FOXP2: variants seen among roughly 807,000 people sequenced by gnomAD.
The protein encoded by FOXP2 is forkhead box P2, also known as forkhead box protein P2.
In FOXP2, 12 loss-of-function variants were observed where a neutral mutation model predicts 115.8. The ratio of observed to expected loss-of-function variants is 0.10; its 90% CI spans 0.07 to 0.17. The LOEUF (loss-of-function observed/expected upper bound fraction) is 0.17. Among genes scored for constraint, FOXP2 ranks in the 10% least tolerant of loss-of-function variants. The pLI is 1.00. For missense variants in FOXP2, 629 were observed against 843.5 expected (o/e 0.75, Z 3.15); for synonymous variants, 328 against 297.7 (o/e 1.10, Z -1.05).
rs117929617 is a variant in FOXP2, at chr7:114,444,353, C to T, written c.168+17674C>T. Among the ~76,000 whole-genome samples, 80 of 152,230 alleles carry T rather than the reference C, an allele frequency of 5.3e-4. 1 individual carries two copies. The highest frequency in any genetic ancestry group is 5.9e-4 in the Non-Finnish European group (40 of 68,004). ...TAAGGGCTGGCTGAACATGGAATGA[C>T]ATTCAGAAGTACTGTGTCAAGTTGA... On this transcript the variant is annotated intron_variant, in intron 2 of 16. Transcript: ENST00000350908.
At chr7:114,102,696 CCACACACACACACA>C (rs10624558) in intron 1 of FOXP2, among the ~76,000 whole-genome samples, 3 of 136,468 alleles carry the variant, frequency 2.2e-5, no homozygotes, top group African/African-American at 5.4e-5. Context: ...ACACCACACA[CCACACACACACACA>C]CACACACACA....
chr7:114,500,020 C>T (rs2129251364), intron 2 of FOXP2, among the ~76,000 whole-genome samples: 1 of 152,094 alleles, frequency 6.6e-6, no homozygotes, highest in East Asian at 1.9e-4. Flanking sequence ...TCGAGACCAT[C>T]CTGGCTAACA....
chr7:114,473,801 G>A (rs918520902), intron 2 of FOXP2, among the ~76,000 whole-genome samples: 1 of 151,942 alleles, frequency 6.6e-6, no homozygotes, highest in Non-Finnish European at 1.5e-5. Context: ...GTCCCACAGA[G>A]CCTACTAATT....
At chr7:114,442,815 TAA>T (rs1189637958) in intron 2 of FOXP2, among the ~76,000 whole-genome samples, 7 of 152,136 alleles carry the variant, frequency 4.6e-5, no homozygotes, top group Admixed American at 4.6e-4. Context: ...GCTGTTTATA[TAA>T]AGAGAGAGAG....
At chr7:114,285,242 G>A (rs1217412092) in intron 1 of FOXP2, among the ~76,000 whole-genome samples, 2 of 152,062 alleles carry the variant, frequency 1.3e-5, no homozygotes, top group African/African-American at 4.8e-5. Flanking sequence ...CAGGCACAGA[G>A]TTAAAAAATC....
intron 1 of FOXP2, among the ~76,000 whole-genome samples, chr7:114,220,668 C>T (rs772149026): frequency 6.6e-6 from 1 of 152,152 alleles, no homozygotes; most frequent in Admixed American, 6.5e-5. Flanking sequence ...GAAAAAACGG[C>T]ATGTCAGACT....
chr7:114,668,266 G>C (rs1195900211), intron 16 of FOXP2: 1 of 152,052 alleles, frequency 6.6e-6, no homozygotes, highest in Non-Finnish European at 1.5e-5. Flanking sequence ...TGAAGCATTA[G>C]AAGAGTGAAA....
intron 2 of FOXP2, among the ~76,000 whole-genome samples, chr7:114,407,807 G>C (rs987694718): frequency 1.3e-5 from 2 of 151,984 alleles, no homozygotes; most frequent in East Asian, 3.9e-4. Context: ...ATAACTTCAG[G>C]ACATGATTGT....
At chr7:114,533,377 T>A (rs1485157671) in intron 2 of FOXP2, among the ~76,000 whole-genome samples, 1 of 151,916 alleles carries the variant, frequency 6.6e-6, no homozygotes, top group African/African-American at 2.4e-5. Flanking sequence ...GTGGCAACTT[T>A]TTCTGTTTGC....
chr7:114,526,484 A>C (rs1398623560), intron 2 of FOXP2, among the ~76,000 whole-genome samples: 2 of 149,114 alleles, frequency 1.3e-5, no homozygotes, highest in Non-Finnish European at 2.9e-5. Context: ...TCAAAAAAAA[A>C]AAACAAAAAA....
intron 1 of FOXP2, among the ~76,000 whole-genome samples, chr7:114,146,190 G>C (rs1792363708): frequency 6.6e-6 from 1 of 152,118 alleles, no homozygotes; most frequent in Non-Finnish European, 1.5e-5. Flanking sequence ...AATTTCAGAG[G>C]TTGCAATTTT....
intron 3 of FOXP2, among the ~76,000 whole-genome samples, chr7:114,538,945 C>T (rs1472933883): frequency 6.6e-6 from 1 of 151,656 alleles, no homozygotes; most frequent in East Asian, 1.9e-4. Flanking sequence ...TTGTTTCATG[C>T]CTTGAAATAT....
In FOXP2 at chr7:114,426,650, G is replaced by A. The variant is rs1447075960; in HGVS notation, c.139G>A (p.Val47Ile). Residue 47 changes from valine (V) to isoleucine (I), a missense_variant, in exon 2 of 17, where the codon GTA (valine) becomes ATA (isoleucine). Val to Ile is a conservative substitution (Grantham distance 29). Coordinates refer to ENST00000350908, the MANE Select transcript of FOXP2 (RefSeq NM_014491.4). Reference protein sequence around the residue: ...SGDTSSEVSTVELLHLQQQQA... With the variant: ...SGDTSSEVSTIELLHLQQQQA... ...TGACACCAGCTCTGAAGTAAGCACA[G>A]TAGAACTGCTGCATCTGCAACAACA... 6.2e-7 allele frequency: 1 copy of A among 1,611,336 alleles called. No individual in the cohort carries two copies. The highest frequency in any genetic ancestry group is 1.1e-5 in the South Asian group (1 of 91,030).
chr7:114,408,434 C>T (rs900685458), intron 2 of FOXP2, among the ~76,000 whole-genome samples: 4 of 151,984 alleles, frequency 2.6e-5, no homozygotes, highest in African/African-American at 4.8e-5. Flanking sequence ...GTATTTATAA[C>T]ATAATGAATG....
intron 1 of FOXP2, among the ~76,000 whole-genome samples, chr7:114,237,999 AAC>A (rs1300871901): frequency 6.6e-6 from 1 of 152,128 alleles, no homozygotes; most frequent in African/African-American, 2.4e-5. Flanking sequence ...CAAACTAACA[AAC>A]ACACACACAA....
rs73429312 is a variant in FOXP2 at position 114,513,624 on chromosome 7, T to G, written c.169-20993T>G. ...AACTGAAATGAAAATTTAGCACAATTTGATATTTTCATAAAAAGTTTTATG... is the reference window on the plus strand; with the variant it reads ...AACTGAAATGAAAATTTAGCACAATGTGATATTTTCATAAAAAGTTTTATG... On this transcript the variant is annotated intron_variant, in intron 2 of 16. Coordinates refer to ENST00000350908, the MANE Select transcript of FOXP2 (RefSeq NM_014491.4). Among the ~76,000 whole-genome samples, 1,310 of 152,178 alleles carry G rather than the reference T, an allele frequency of 8.6e-3. 15 individuals carry two copies. The highest frequency in any genetic ancestry group is 0.03 in the African/African-American group (1,250 of 41,558).
intron 2 of FOXP2, among the ~76,000 whole-genome samples, chr7:114,518,511 A>ATT (rs948100183): frequency 6.8e-6 from 1 of 146,068 alleles, no homozygotes; most frequent in African/African-American, 2.5e-5. Context: ...ATTCTATAGA[A>ATT]TTTTTTTTTT....
At chr7:114,565,902 G>A (rs1800997993) in intron 3 of FOXP2, among the ~76,000 whole-genome samples, 1 of 152,150 alleles carries the variant, frequency 6.6e-6, no homozygotes, top group Admixed American at 6.6e-5. Flanking sequence ...CACTTGTCTT[G>A]TGGAATACTC....
intron 2 of FOXP2, among the ~76,000 whole-genome samples, chr7:114,530,336 A>G (rs1799081634): frequency 6.6e-6 from 1 of 151,810 alleles, no homozygotes; most frequent in African/African-American, 2.4e-5. Flanking sequence ...TTTCAGAGAG[A>G]TTTTGTAGCC....
Sources: allele counts gnomAD v4.1 joint callset (sites outside exome capture counted in the v4.1 genomes callset), GRCh38; gene constraint gnomAD v4.1.1; transcripts MANE v1.5; gene names NCBI Gene and HGNC (gene_info 2026-07-23, HGNC 2026-07-21).